SYNE1: variants seen among roughly 807,000 people sequenced by gnomAD.
The protein encoded by SYNE1 is spectrin repeat containing nuclear envelope protein 1, also known as nesprin-1.
A neutral mutation model predicts 1,111.0 loss-of-function variants in SYNE1; 616 were observed. The observed-to-expected ratio is 0.55, with a 90% CI of 0.52 to 0.59. SYNE1 has a LOEUF of 0.59. Among genes scored for constraint, SYNE1 ranks in the 20% least tolerant of loss-of-function variants. The probability of loss-of-function intolerance (pLI) is 0.00; values close to 1 mark genes in which losing one functional copy is unlikely to be tolerated. For missense variants in SYNE1, 10,006 were observed against 10,417.0 expected (o/e 0.96, Z 1.72); for synonymous variants, 3,855 against 3,825.8 (o/e 1.01, Z -0.28).
At chr6:152,236,061 C>T in intron 110 of SYNE1, 46 bp downstream of exon 110, 11 of 1,591,152 alleles carry the variant, frequency 6.9e-6, no homozygotes, top group Non-Finnish European at 9.5e-6. Flanking sequence ...CTTATTAATA[C>T]AATGCAGCAC....
intron 130 of SYNE1, among the ~76,000 whole-genome samples, chr6:152,166,706 A>C (rs1463795669): frequency 6.6e-6 from 1 of 152,200 alleles, no homozygotes; most frequent in East Asian, 1.9e-4. Flanking sequence ...CAAATGTGTA[A>C]ATTTAGTAAA....
In SYNE1 at chr6:152,219,503, A is replaced by AC. The variant is rs1204045312; in HGVS notation, c.21862-319_21862-318insG. ...AACATACATAAACAAGAAAAAAAAA[A>AC]AAAACAAACATGACCCAAGAGTAGA... On this transcript the variant is annotated intron_variant, in intron 119 of 145. Coordinates refer to ENST00000367255, the MANE Select transcript of SYNE1 (RefSeq NM_182961.4). Among the ~76,000 whole-genome samples, 6 of 151,904 alleles carry AC rather than the reference A, an allele frequency of 3.9e-5. No individual in the cohort carries two copies. In the East Asian group the frequency reaches 5.8e-4, roughly 15 times the overall value.
intron 3 of SYNE1, among the ~76,000 whole-genome samples, chr6:152,594,717 C>T (rs1413201487): frequency 6.6e-6 from 1 of 152,126 alleles, no homozygotes; most frequent in African/African-American, 2.4e-5. Context: ...CTCTCTTGTA[C>T]AAAAAACTCT....
At chr6:152,616,548 C>G (rs923226870) in intron 3 of SYNE1, among the ~76,000 whole-genome samples, 4 of 152,056 alleles carry the variant, frequency 2.6e-5, no homozygotes, top group Admixed American at 1.3e-4. Flanking sequence ...TGCACTCCAG[C>G]CTGGATGACA....
At chr6:152,357,647 C>T (rs967106766) in intron 66 of SYNE1, among the ~76,000 whole-genome samples, 22 of 152,138 alleles carry the variant, frequency 1.4e-4, no homozygotes, top group Admixed American at 1.4e-3. Flanking sequence ...AATGTCCTCG[C>T]CATATTATTT....
At chr6:152,453,207 G>T (rs1360671524) in intron 25 of SYNE1, among the ~76,000 whole-genome samples, 2 of 151,704 alleles carry the variant, frequency 1.3e-5, no homozygotes, top group Admixed American at 6.6e-5. Context: ...TAAAATCTTT[G>T]GGGGGCAGAA....
intron 64 of SYNE1, among the ~76,000 whole-genome samples, chr6:152,361,966 T>C (rs1308135432): frequency 3.3e-5 from 5 of 152,194 alleles, no homozygotes; most frequent in South Asian, 4.1e-4. Context: ...ATGGTTTTCC[T>C]GGAAGGAAAA....
At position 152,125,334 on chromosome 6, in the gene SYNE1, T is replaced by C; in HGVS notation, c.26154-2658A>G. The stretch of plus-strand genomic sequence containing the variant: ...TCCTAAAATATTTGGAAACAAGTGG[T>C]TTCCTCGTGTCTAAAGCCTCTGGTC... On this transcript the variant is annotated intron_variant, in intron 145 of 145. Transcript: ENST00000367255. 2.6e-6 allele frequency: 4 copies of C among 1,550,346 alleles called. No homozygotes were observed. The South Asian group carries it at 3.6e-5, about 14-fold the overall frequency.
At chr6:152,631,826 G>T (rs2099698446) in intron 2 of SYNE1, among the ~76,000 whole-genome samples, 1 of 152,116 alleles carries the variant, frequency 6.6e-6, no homozygotes, top group African/African-American at 2.4e-5. Context: ...ATTGAGCTCA[G>T]CAGAAGAGGG....
At chr6:152,430,897 A>G (rs140254547) in intron 34 of SYNE1, among the ~76,000 whole-genome samples, 188 bp from the exon 35 acceptor site, 2 of 152,282 alleles carry the variant, frequency 1.3e-5, no homozygotes, top group Non-Finnish European at 2.9e-5. Context: ...TCTGCAAAAT[A>G]CAGTGATGGG....
intron 128 of SYNE1, among the ~76,000 whole-genome samples, chr6:152,188,987 ATATAT>A (rs2071344745): frequency 5.7e-4 from 24 of 41,878 alleles, no homozygotes; most frequent in African/African-American, 2.1e-3. Context: ...AAAAAAAAAT[ATATAT>A]ATATATATAT....
At position 152,433,892 on chromosome 6, in the gene SYNE1, A is replaced by G; in HGVS notation, c.4364T>C (p.Phe1455Ser). 1.2e-6 allele frequency: 2 copies of G among 1,613,824 alleles called. No individual in the cohort carries two copies. The highest frequency in any genetic ancestry group is 2.2e-5 in the South Asian group (2 of 91,068). The change falls in exon 34 of 146, where the codon TTT (phenylalanine) becomes TCT (serine). Residue 1455 changes from phenylalanine to serine, a missense_variant. By Grantham distance (155) the Phe-to-Ser change is radical. Transcript: ENST00000367255. ...KTKWDHFGSNFETLSVWITEK... is the reference protein window; with the variant it reads ...KTKWDHFGSNSETLSVWITEK... ...AGTTATCCAGACGGACAGAGTCTCAAAATTACTGCCAAAATGATCCCACTT... is the reference window on the plus strand; with the variant it reads ...AGTTATCCAGACGGACAGAGTCTCAGAATTACTGCCAAAATGATCCCACTT...
At chr6:152,472,727 T>G in intron 14 of SYNE1, 1 of 666,194 alleles carries the variant, frequency 1.5e-6, no homozygotes, top group Non-Finnish European at 2.7e-6. Flanking sequence ...TGCTATGAAA[T>G]GATTTTAGTA....
chr6:152,547,497 T>C (rs2141150), intron 3 of SYNE1, among the ~76,000 whole-genome samples: 1 of 152,108 alleles, frequency 6.6e-6, no homozygotes. Flanking sequence ...AAAGTGTCAG[T>C]TGGCTTCTTT....
At chr6:152,241,528 G>GTGTGTGTGTGAA (rs1243329619) in intron 107 of SYNE1, among the ~76,000 whole-genome samples, 1 of 24,200 alleles carries the variant, frequency 4.1e-5, no homozygotes, top group African/African-American at 3.0e-4. Context: ...GTGTGTGTGT[G>GTGTGTGTGTGAA]TGAAATACGC....
chr6:152,452,966 C>T (rs538419045), intron 25 of SYNE1, among the ~76,000 whole-genome samples: 23 of 152,328 alleles, frequency 1.5e-4, no homozygotes, highest in African/African-American at 4.8e-4. Flanking sequence ...TTACCTGATT[C>T]GCTGTTTTCC....
At chr6:152,557,172 A>C (rs920699882) in intron 3 of SYNE1, among the ~76,000 whole-genome samples, 3 of 152,126 alleles carry the variant, frequency 2.0e-5, no homozygotes, top group Admixed American at 2.0e-4. Flanking sequence ...AACTGAAAAA[A>C]ATTGCATAGA....
intron 127 of SYNE1, among the ~76,000 whole-genome samples, chr6:152,194,056 T>C (rs1182408653): frequency 6.6e-6 from 1 of 151,984 alleles, no homozygotes; most frequent in Admixed American, 6.6e-5. Flanking sequence ...AATTGCAATG[T>C]TATAATATTC....
chr6:152,472,230 A>G (rs932360612), intron 15 of SYNE1, 71 bp downstream of exon 15: 17 of 1,338,310 alleles, frequency 1.3e-5, no homozygotes, highest in Non-Finnish European at 1.8e-5. Context: ...ATGAAAAAAT[A>G]AAAGAAATAT....
Sources: allele counts gnomAD v4.1 joint callset (sites outside exome capture counted in the v4.1 genomes callset), GRCh38; gene constraint gnomAD v4.1.1; transcripts MANE v1.5; gene names NCBI Gene and HGNC (gene_info 2026-07-23, HGNC 2026-07-21).